Variants in BICC1 observed in about 807,000 individuals in gnomAD.
BICC1 encodes the protein BicC family RNA binding protein 1.
BICC1 carries 43 observed loss-of-function variants against 111.0 expected under a neutral mutation model. The ratio of observed to expected loss-of-function variants is 0.39; its 90% CI spans 0.30 to 0.50. The LOEUF (loss-of-function observed/expected upper bound fraction) is 0.50. BICC1 is among the 20% of genes least tolerant of loss of function. The pLI, the probability that BICC1 is intolerant of heterozygous loss-of-function variation, is 0.88. For synonymous variants in BICC1, 467 were observed against 434.4 expected, an observed-to-expected ratio of 1.07 and a Z score of -0.93; for missense variants, 1,091 against 1,203.2, an observed-to-expected ratio of 0.91 and a Z score of 1.38.
At chr10:58,649,269 T>C (rs1838366319) in intron 2 of BICC1, among the ~76,000 whole-genome samples, 1 of 152,188 alleles carries the variant, frequency 6.6e-6, no homozygotes, top group South Asian at 2.1e-4. Flanking sequence ...GACAGACTTG[T>C]TGATGTGCCC....
At chr10:58,814,009 A>G in intron 18 of BICC1, 23 bp downstream of exon 18, 1 of 1,613,350 alleles carries the variant, frequency 6.2e-7, no homozygotes, top group Non-Finnish European at 8.5e-7. Context: ...TTTTATGCAC[A>G]CTTTTAGGTA....
chr10:58,519,200 G>C (rs145123202), intron 1 of BICC1, among the ~76,000 whole-genome samples: 57 of 152,274 alleles, frequency 3.7e-4, no homozygotes, highest in African/African-American at 1.3e-3. Context: ...TGTGGCTGTG[G>C]CTGTGTTTTG....
At chr10:58,735,555 T>C (rs775331438) in intron 3 of BICC1, among the ~76,000 whole-genome samples, 5 of 152,146 alleles carry the variant, frequency 3.3e-5, no homozygotes, top group Non-Finnish European at 5.9e-5. Flanking sequence ...TTCCCTATCG[T>C]AGTCACTGGG....
intron 3 of BICC1, among the ~76,000 whole-genome samples, chr10:58,732,970 A>G (rs1841362294): frequency 1.3e-5 from 2 of 152,132 alleles, no homozygotes; most frequent in Admixed American, 1.3e-4. Flanking sequence ...TTTTGGAAAA[A>G]TGGCACTGAC....
chr10:58,682,988 T>C (rs547806625), intron 2 of BICC1, among the ~76,000 whole-genome samples: 2,059 of 152,270 alleles, frequency 0.014, 47 homozygotes, highest in African/African-American at 0.045. Context: ...ATTGCCTAGG[T>C]TTTCTTCTAG....
intron 20 of BICC1, among the ~76,000 whole-genome samples, chr10:58,827,606 A>G (rs974987640): frequency 1.3e-5 from 2 of 152,176 alleles, no homozygotes; most frequent in Non-Finnish European, 2.9e-5. Flanking sequence ...GACATAGAAG[A>G]AGCAGTGCCA....
At chr10:58,739,974 T>C (rs1291460949) in intron 3 of BICC1, among the ~76,000 whole-genome samples, 1 of 152,214 alleles carries the variant, frequency 6.6e-6, no homozygotes, top group Admixed American at 6.5e-5. Context: ...GACTTTAGCT[T>C]ATAGAATATA....
At chr10:58,730,207 G>A (rs893001337) in intron 3 of BICC1, among the ~76,000 whole-genome samples, 1 of 152,138 alleles carries the variant, frequency 6.6e-6, no homozygotes, top group African/African-American at 2.4e-5. Context: ...AAAAAAGGGG[G>A]TTACAGGCAC....
intron 1 of BICC1, among the ~76,000 whole-genome samples, chr10:58,522,365 A>G (rs1842414970): frequency 6.6e-6 from 1 of 152,194 alleles, no homozygotes; most frequent in Non-Finnish European, 1.5e-5. Context: ...CTCTCAGACC[A>G]CAGTGCAATC....
chr10:58,762,795 A>G (rs1842352660), intron 3 of BICC1, among the ~76,000 whole-genome samples: 1 of 151,880 alleles, frequency 6.6e-6, no homozygotes, highest in African/African-American at 2.4e-5. Context: ...AAACTTGAAA[A>G]TGTACTTTAA....
chr10:58,715,648 A>T, intron 3 of BICC1: 2 of 1,604,956 alleles, frequency 1.2e-6, no homozygotes, highest in South Asian at 2.2e-5. Context: ...ACAATACAGG[A>T]TTATCTGAAT....
chr10:58,796,664 C>G, intron 10 of BICC1, 138 bp downstream of exon 10: 1 of 737,432 alleles, frequency 1.4e-6, no homozygotes, highest in South Asian at 2.5e-5. Flanking sequence ...AAAAGCCATA[C>G]AACCTGAATC....
At chr10:58,543,125 A>C (rs956323362) in intron 1 of BICC1, among the ~76,000 whole-genome samples, 4 of 151,994 alleles carry the variant, frequency 2.6e-5, no homozygotes, top group African/African-American at 9.7e-5. Context: ...CTAAATGTTA[A>C]TCAGCAGAGA....
chr10:58,532,519 C>T (rs939091426), intron 1 of BICC1, among the ~76,000 whole-genome samples: 1 of 151,582 alleles, frequency 6.6e-6, no homozygotes, highest in East Asian at 1.9e-4. Flanking sequence ...AATAGTACAC[C>T]AAAGAAATCA....
intron 3 of BICC1, among the ~76,000 whole-genome samples, chr10:58,751,949 A>G (rs1220268037): frequency 1.3e-5 from 2 of 152,176 alleles, no homozygotes; most frequent in East Asian, 1.9e-4. Context: ...AAGTTTAATA[A>G]TGTGTTAAGA....
At chr10:58,512,422 T>C, upstream of BICC1, among the ~76,000 whole-genome samples, 1 of 152,162 alleles carries the variant, frequency 6.6e-6, no homozygotes, top group Non-Finnish European at 1.5e-5. Flanking sequence ...GTAGGGTATG[T>C]ATGTAAACAG....
In BICC1 at chr10:58,551,222, T is replaced by A. The variant is rs142048297; in HGVS notation, c.190+37889T>A. ...ATCTGGTAAGATCTCAATGAAGTAATGTGAACTAGATTAATGAAATATGAG... is the reference window on the plus strand; with the variant it reads ...ATCTGGTAAGATCTCAATGAAGTAAAGTGAACTAGATTAATGAAATATGAG... On this transcript the variant is annotated intron_variant, in intron 1 of 20. Transcript: ENST00000373886. Among the ~76,000 whole-genome samples, 10 of 152,308 alleles carry A rather than the reference T, an allele frequency of 6.6e-5. No individual in the cohort carries two copies. In the East Asian group the frequency reaches 1.9e-3, roughly 29 times the overall value.
At chr10:58,563,428 G>T (rs569342967) in intron 1 of BICC1, among the ~76,000 whole-genome samples, 1 of 152,266 alleles carries the variant, frequency 6.6e-6, no homozygotes, top group East Asian at 1.9e-4. Flanking sequence ...GGCAACGGAG[G>T]CTACCTCTTA....
rs1844013482 is a variant in BICC1, at chr10:58,814,255, A to G, written c.2533+269A>G. The G allele has an allele frequency of 1.6e-5, 10 of 608,554 alleles. No homozygotes were observed. In the East Asian group the frequency reaches 2.7e-4, roughly 17 times the overall value. The allele number at this position is 608,554 out of a possible 1,614,324, so 37.7% of individuals were successfully genotyped here. On this transcript the variant is annotated intron_variant, in intron 18 of 20. Coordinates refer to ENST00000373886, the MANE Select transcript of BICC1 (RefSeq NM_001080512.3). ...CTACCTATCTGTATCTCCTTGTGAA[A>G]TTTGTGCTCCACAAACCAAAGACTG...
Sources: gnomAD v4.1 joint callset for allele counts (sites outside exome capture counted in the v4.1 genomes callset) on GRCh38, gnomAD v4.1.1 for gene constraint, MANE v1.5 for transcripts, NCBI Gene and HGNC (gene_info 2026-07-23, HGNC 2026-07-21) for gene names.